Variants in KHDRBS2 observed in about 807,000 individuals in gnomAD.
KHDRBS2 encodes the protein KH domain-containing, RNA-binding, signal transduction-associated protein 2.
In KHDRBS2, 26 loss-of-function variants were observed where a neutral mutation model predicts 44.3. The ratio of observed to expected loss-of-function variants is 0.59; its 90% confidence interval spans 0.43 to 0.81. KHDRBS2 has a LOEUF of 0.81. Among genes scored for constraint, KHDRBS2 ranks in the 40% least tolerant of loss-of-function variants. KHDRBS2 has a pLI of 0.00. For synonymous variants in KHDRBS2, 194 were observed against 151.1 expected, an observed-to-expected ratio of 1.28 and a Z score of -2.08; for missense variants, 476 against 433.1, an observed-to-expected ratio of 1.10 and a Z score of -0.88.
At chr6:61,542,693 A>G in the KHDRBS2 span, among the ~76,000 whole-genome samples, 565 of 152,122 alleles carry the variant, frequency 3.7e-3, 3 homozygotes, top group African/African-American at 0.013. Context: ...AAGATCTCAA[A>G]TCAGAGTGTT....
chr6:61,902,374 G>A (rs1196789504), intron 4 of KHDRBS2, among the ~76,000 whole-genome samples: 3 of 152,110 alleles, frequency 2.0e-5, no homozygotes, highest in African/African-American at 7.2e-5. Flanking sequence ...AAGTCAAAGG[G>A]ACTTTTCCTT....
chr6:61,570,788 T>C, the KHDRBS2 span, among the ~76,000 whole-genome samples: 1 of 152,076 alleles, frequency 6.6e-6, no homozygotes. Context: ...ACAAAATAAT[T>C]GTCCGCCAAG....
At chr6:61,637,371 T>G in the KHDRBS2 span, among the ~76,000 whole-genome samples, 2 of 152,198 alleles carry the variant, frequency 1.3e-5, no homozygotes, top group South Asian at 4.1e-4. Flanking sequence ...ACTCATCATT[T>G]TTTATGGCTG....
Position 62,103,308 on chromosome 6 carries a change from T to C in KHDRBS2, c.220-55314A>G, listed in dbSNP as rs182474127. On this transcript the variant is annotated intron_variant, in intron 2 of 8. Transcript: ENST00000281156. ...GTCTGCTGGGCCCCGGTTGTCCACG[T>C]GAAGGGGAACAGCCTTCAGCCCCCT... is the stretch of plus-strand genomic sequence containing the variant. Among the ~76,000 whole-genome samples, 584 of 152,198 alleles carry C rather than the reference T, an allele frequency of 3.8e-3. 2 individuals carry two copies. The highest frequency in any genetic ancestry group is 0.014 in the African/African-American group (565 of 41,540).
intron 1 of KHDRBS2, among the ~76,000 whole-genome samples, chr6:62,236,955 A>G (rs926566499): frequency 6.6e-6 from 1 of 152,298 alleles, no homozygotes; most frequent in Admixed American, 6.5e-5. Context: ...CACACTATCA[A>G]AAGAGATTAT....
chr6:61,885,422 A>G (rs1800805969), intron 6 of KHDRBS2, among the ~76,000 whole-genome samples: 1 of 152,138 alleles, frequency 6.6e-6, no homozygotes. Flanking sequence ...TTCTGGCCCA[A>G]TACAATTCAA....
intron 6 of KHDRBS2, among the ~76,000 whole-genome samples, chr6:61,877,555 C>T (rs1799600851): frequency 6.6e-6 from 1 of 151,636 alleles, no homozygotes; most frequent in Non-Finnish European, 1.5e-5. Flanking sequence ...ACACTGCTCC[C>T]CTGAGGAGCT....
At chr6:61,810,734 G>T (rs1018353599) in intron 6 of KHDRBS2, among the ~76,000 whole-genome samples, 9 of 152,106 alleles carry the variant, frequency 5.9e-5, no homozygotes, top group African/African-American at 2.2e-4. Flanking sequence ...TTTAGAGAGG[G>T]ACTGAGAATT....
chr6:61,758,995 A>G (rs990386226), intron 6 of KHDRBS2, among the ~76,000 whole-genome samples: 5 of 152,256 alleles, frequency 3.3e-5, no homozygotes, highest in African/African-American at 1.2e-4. Context: ...GTGCCATGAT[A>G]CCATAAAATT....
At chr6:62,003,710 T>C (rs1778693072) in intron 3 of KHDRBS2, among the ~76,000 whole-genome samples, 1 of 152,108 alleles carries the variant, frequency 6.6e-6, no homozygotes, top group South Asian at 2.1e-4. Flanking sequence ...CAACAGAATA[T>C]ACATTCTTCT....
chr6:62,097,068 T>G (rs187850366), intron 2 of KHDRBS2, among the ~76,000 whole-genome samples: 2 of 152,020 alleles, frequency 1.3e-5, no homozygotes, highest in African/African-American at 4.8e-5. Context: ...TTTCTAGTTT[T>G]ATTGCATTGT....
chr6:61,811,880 G>T (rs544853456), intron 6 of KHDRBS2, among the ~76,000 whole-genome samples: 1 of 151,808 alleles, frequency 6.6e-6, no homozygotes, highest in Non-Finnish European at 1.5e-5. Flanking sequence ...TGTACAATTC[G>T]GTTTACACTT....
chr6:61,813,927 ATTATTG>A, intron 6 of KHDRBS2: 1 of 455,908 alleles, frequency 2.2e-6, no homozygotes. Flanking sequence ...CTTACCTCTT[ATTATTG>A]TTCAGAATCC....
At chr6:61,599,772 T>G in the KHDRBS2 span, among the ~76,000 whole-genome samples, 1 of 152,274 alleles carries the variant, frequency 6.6e-6, no homozygotes, top group South Asian at 2.1e-4. Context: ...AGGTGCTGCT[T>G]AATATCTGAT....
rs185041347 is a variant in KHDRBS2, at chr6:62,236,207, G to A, written c.91+49651C>T. Among the ~76,000 whole-genome samples the A allele has an allele frequency of 5.0e-3, 754 of 152,014 alleles. 5 individuals carry two copies. Among genetic ancestry groups the A allele is most frequent in the Non-Finnish European group, 7.7e-3 (522 of 67,854 alleles). On this transcript the variant is annotated intron_variant, in intron 1 of 8. Coordinates refer to ENST00000281156, the MANE Select transcript of KHDRBS2 (RefSeq NM_152688.4). ...CTCTCTATACCTTAACAATAAAAGAGGGATTTATTTTCTTTTGAAAGCTTC... is the reference window on the plus strand; with the variant it reads ...CTCTCTATACCTTAACAATAAAAGAAGGATTTATTTTCTTTTGAAAGCTTC...
At chr6:61,771,735 A>G (rs1004790484) in intron 6 of KHDRBS2, among the ~76,000 whole-genome samples, 1 of 152,180 alleles carries the variant, frequency 6.6e-6, no homozygotes, top group Non-Finnish European at 1.5e-5. Context: ...CACAATAATA[A>G]TGAGAGACTT....
downstream of KHDRBS2, among the ~76,000 whole-genome samples, chr6:61,676,079 T>C (rs762390192): frequency 5.3e-5 from 8 of 151,772 alleles, no homozygotes; most frequent in Non-Finnish European, 1.2e-4. Flanking sequence ...GGGACCAGCA[T>C]TGTTTCCTGA....
chr6:61,911,285 C>T lies in KHDRBS2; in HGVS notation c.484-9914G>A, dbSNP rs1378602883. Among the ~76,000 whole-genome samples, 4 of 152,028 alleles carry T rather than the reference C, an allele frequency of 2.6e-5. No homozygotes were observed. In the South Asian group the frequency reaches 6.2e-4, roughly 24 times the overall value. ...AAGGAGTTTTGCTAAATAAATCGTC[C>T]TTTTATGTAGTCAGTGCATTTCTGA... On this transcript the variant is annotated intron_variant, in intron 4 of 8. Coordinates refer to ENST00000281156, the MANE Select transcript of KHDRBS2 (RefSeq NM_152688.4).
chr6:62,034,618 A>G (rs887287343), intron 3 of KHDRBS2, among the ~76,000 whole-genome samples: 6 of 151,006 alleles, frequency 4.0e-5, no homozygotes, highest in Non-Finnish European at 8.9e-5. Context: ...AAACACTCAA[A>G]AATTGTGTAT....
Sources: gnomAD v4.1 joint callset for allele counts (sites outside exome capture counted in the v4.1 genomes callset) on GRCh38, gnomAD v4.1.1 for gene constraint, MANE v1.5 for transcripts, NCBI Gene and HGNC (gene_info 2026-07-23, HGNC 2026-07-21) for gene names.